Variants in GZMB observed in about 807,000 individuals in gnomAD.
GZMB encodes T-cell serine protease 1-3E.
Under a neutral mutation model 24.2 loss-of-function variants are expected in GZMB, and 27 were observed. The ratio of observed to expected loss-of-function variants is 1.12; its 90% CI spans 0.82 to 1.54. The LOEUF is 1.54. Ranked by LOEUF, GZMB falls within the 40% of genes most tolerant of loss-of-function variation. The pLI, the probability that GZMB is intolerant of heterozygous loss-of-function variation, is 0.00. For missense variants in GZMB, 336 were observed against 310.1 expected, an observed-to-expected ratio of 1.08 and a Z score of -0.63; for synonymous variants, 121 against 115.1, an observed-to-expected ratio of 1.05 and a Z score of -0.33.
intron 1 of GZMB, chr14:24,633,460 C>T (rs1566570795): frequency 5.0e-6 from 1 of 201,404 alleles, no homozygotes; most frequent in Admixed American, 6.5e-5. Context: ...TTTCCTAGAG[C>T]CTGACATGTA....
intron 4 of GZMB, 145 bp downstream of exon 4, chr14:24,631,713 C>A (rs911308926): frequency 2.7e-6 from 2 of 727,358 alleles, no homozygotes; most frequent in African/African-American, 3.5e-5. Context: ...CTCCCCAGCT[C>A]AGTCTAGTCC....
chr14:24,634,177 C>T lies in GZMB; in HGVS notation c.-17G>A, dbSNP rs1269578862. ...TGGTTGCATCTTCTCAGGAAGGCTG[C>T]CCTGGTTGGAGCTGCTGTTGTTTCC... On this transcript the variant is annotated 5_prime_UTR_variant, in exon 1 of 5. Coordinates refer to ENST00000216341, the MANE Select transcript of GZMB (RefSeq NM_004131.6). 1 of 1,581,862 alleles carries T rather than the reference C, an allele frequency of 6.3e-7. No individual in the cohort carries two copies. Among genetic ancestry groups the T allele is most frequent in the Middle Eastern group, 1.7e-4 (1 of 6,016 alleles).
chr14:24,631,198 G>T lies in GZMB; in HGVS notation c.617C>A (p.Pro206His). The T allele has an allele frequency of 3.1e-6, 5 of 1,613,248 alleles. No individual in the cohort carries two copies. Among genetic ancestry groups the T allele is most frequent in the Non-Finnish European group, 4.2e-6 (5 of 1,179,438 alleles). The change falls in exon 5 of 5, where the codon CCT becomes CAT. Residue 206 changes from proline (P) to histidine (H), a missense_variant. By Grantham distance (77) the Pro-to-His change is moderately conservative. Coordinates refer to ENST00000216341, the MANE Select transcript of GZMB (RefSeq NM_004131.6). ...CTGGGCCACCTTGTTACACACAAGAGGGCCTCCAGAGTCCCCCTGTGAATA... is the reference window on the plus strand; with the variant it reads ...CTGGGCCACCTTGTTACACACAAGATGGCCTCCAGAGTCCCCCTGTGAATA... Reference protein sequence around the residue: ...KTSFKGDSGGPLVCNKVAQGI... With the variant: ...KTSFKGDSGGHLVCNKVAQGI...
At chr14:24,631,773 C>T in intron 4 of GZMB, 85 bp downstream of exon 4, 2 of 1,066,856 alleles carry the variant, frequency 1.9e-6, no homozygotes, top group Admixed American at 1.7e-5. Flanking sequence ...GTGAAGGAGT[C>T]CCCCACTACT....
Position 24,632,119 on chromosome 14 carries a change from C to T in GZMB, c.340-1G>A. On this transcript the variant is annotated splice_acceptor_variant, in intron 3 of 4. Coordinates refer to ENST00000216341, the MANE Select transcript of GZMB (RefSeq NM_004131.6). LOFTEE classifies it high-confidence loss of function. Reference sequence around the variant, plus strand: ...TGGTCCGCTTGGCCTTTCTCTCCAGCTGGTGGGGAAGAGGCAAGAAAGTCC... The same window carrying T: ...TGGTCCGCTTGGCCTTTCTCTCCAGTTGGTGGGGAAGAGGCAAGAAAGTCC... 6.2e-7 allele frequency: 1 copy of T among 1,613,208 alleles called. No homozygotes were observed. The highest frequency in any genetic ancestry group is 8.5e-7 in the Non-Finnish European group (1 of 1,179,392).
In GZMB at chr14:24,633,001, C is replaced by A; in HGVS notation, c.117G>T (p.Met39Ile). The A allele has an allele frequency of 1.2e-6, 2 of 1,613,994 alleles. No homozygotes were observed. Among genetic ancestry groups the A allele is most frequent in the Non-Finnish European group, 1.7e-6 (2 of 1,179,926 alleles). ...PHSRPYMAYL[M>I]IWDQKSLKRC... ...TCTTCAGAGACTTCTGATCCCAGATCATAAGATAAGCCATGTAGGGGCGGG... is the reference window on the plus strand; with the variant it reads ...TCTTCAGAGACTTCTGATCCCAGATAATAAGATAAGCCATGTAGGGGCGGG... The change falls in exon 2 of 5, where the codon ATG becomes ATT. Residue 39 changes from methionine to isoleucine, a missense_variant. Coordinates refer to ENST00000216341, the MANE Select transcript of GZMB (RefSeq NM_004131.6).
chr14:24,631,026 G>A lies in GZMB; in HGVS notation c.*45C>T. ...CAGTGTAAATCTGGACTTGGCTCCAGAGAAGGTGTTTCATTACAGCGGGGG... is the reference window on the plus strand; with the variant it reads ...CAGTGTAAATCTGGACTTGGCTCCAAAGAAGGTGTTTCATTACAGCGGGGG... On this transcript the variant is annotated 3_prime_UTR_variant, in exon 5 of 5. Coordinates refer to ENST00000216341, the MANE Select transcript of GZMB (RefSeq NM_004131.6). 1 of 1,496,200 alleles carries A rather than the reference G, an allele frequency of 6.7e-7. No individual in the cohort carries two copies. The highest frequency in any genetic ancestry group is 2.3e-5 in the East Asian group (1 of 44,238). 92.7% of individuals were successfully genotyped at this position (1,496,200 alleles called of 1,614,324 possible). A position where few individuals can be genotyped will look rare whatever the true frequency, so the allele number is the denominator to read the frequency against.
chr14:24,633,956 G>T, intron 1 of GZMB, 150 bp downstream of exon 1: 1 of 760,274 alleles, frequency 1.3e-6, no homozygotes, highest in Non-Finnish European at 2.3e-6. Flanking sequence ...CCTGCTGATA[G>T]CTTATCCAGC....
intron 4 of GZMB, 30 bp from the exon 5 acceptor site, chr14:24,631,244 G>A (rs1420718731): frequency 1.9e-6 from 3 of 1,602,700 alleles, no homozygotes; most frequent in South Asian, 1.1e-5. Flanking sequence ...GGACTGAGCT[G>A]ATGCTCCTCC....
chr14:24,631,575 C>T (rs2066994823), intron 4 of GZMB: 1 of 561,822 alleles, frequency 1.8e-6, no homozygotes, highest in East Asian at 3.0e-5. Flanking sequence ...GTTATAATTA[C>T]TGCACCCCCA....
chr14:24,632,196 C>A, intron 3 of GZMB, 78 bp from the exon 4 acceptor site: 2 of 1,555,264 alleles, frequency 1.3e-6, no homozygotes, highest in Non-Finnish European at 1.8e-6. Flanking sequence ...GCTGCACAAT[C>A]TTCCCTCTCC....
At chr14:24,633,153 A>C in intron 1 of GZMB, 91 bp from the exon 2 acceptor site, 2 of 1,493,518 alleles carry the variant, frequency 1.3e-6, no homozygotes, top group Non-Finnish European at 8.9e-7. Flanking sequence ...GGCATTTGGG[A>C]GCCTGGGATA....
At position 24,631,228 on chromosome 14, in the gene GZMB, G is replaced by A. The variant is rs771594253; in HGVS notation, c.601-14C>T. The A allele has an allele frequency of 3.1e-6, 5 of 1,610,842 alleles. No homozygotes were observed. The African/African-American group carries it at 5.3e-5, about 17-fold the overall frequency. On this transcript the variant is annotated splice_polypyrimidine_tract_variant and intron_variant, in intron 4 of 4. Coordinates refer to ENST00000216341, the MANE Select transcript of GZMB (RefSeq NM_004131.6). ...TCCAGAGTCCCCCTGTGAATAGAGA[G>A]TGGAAGGACTGAGCTGATGCTCCTC... is the stretch of plus-strand genomic sequence containing the variant.
At chr14:24,631,435 A>C (rs112450811) in intron 4 of GZMB, 2 of 571,958 alleles carry the variant, frequency 3.5e-6, no homozygotes, top group Non-Finnish European at 6.2e-6. Context: ...TGTCCCCCAG[A>C]TCCTGAGATC....
At chr14:24,634,083 C>T (rs749185062) in intron 1 of GZMB, 23 bp downstream of exon 1, 14 of 1,580,602 alleles carry the variant, frequency 8.9e-6, no homozygotes, top group South Asian at 4.7e-5. Flanking sequence ...GTTGGGCCCC[C>T]GAGGGTGGAG....
chr14:24,632,264 T>C (rs879200855), intron 3 of GZMB, 60 bp downstream of exon 3: 139,157 of 1,290,470 alleles, frequency 0.11, 18,233 homozygotes, highest in African/African-American at 0.25. Flanking sequence ...GGGCCGGCAT[T>C]CCAGGGGGAG....
intron 4 of GZMB, 122 bp from the exon 5 acceptor site, chr14:24,631,336 A>G: frequency 1.3e-6 from 1 of 792,044 alleles, no homozygotes; most frequent in Non-Finnish European, 2.0e-6. Context: ...ACCAGAGGGC[A>G]GGGCAGGCCG....
Position 24,631,038 on chromosome 14 carries a change from C to T in GZMB, c.*33G>A, listed in dbSNP as rs765915810. On this transcript the variant is annotated 3_prime_UTR_variant, in exon 5 of 5. Transcript: ENST00000216341. ...GGACTTGGCTCCAGAGAAGGTGTTT[C>T]ATTACAGCGGGGGCTTAGTTTGCTT... 5 of 1,569,494 alleles carry T rather than the reference C, an allele frequency of 3.2e-6. No individual in the cohort carries two copies. The highest frequency in any genetic ancestry group is 4.4e-6 in the Non-Finnish European group (5 of 1,140,654).
intron 3 of GZMB, 31 bp from the exon 4 acceptor site, chr14:24,632,149 C>G (rs2067002061): frequency 6.2e-7 from 1 of 1,608,858 alleles, no homozygotes; most frequent in Non-Finnish European, 8.5e-7. Flanking sequence ...AAGTCCAGGT[C>G]AGCCAACGAA....
Sources: allele counts gnomAD v4.1 joint callset, GRCh38; gene constraint gnomAD v4.1.1; transcripts MANE v1.5; gene names NCBI Gene and HGNC (gene_info 2026-07-23, HGNC 2026-07-21).